SLC25A48: variants seen among roughly 807,000 people sequenced by gnomAD.
The protein encoded by SLC25A48 is solute carrier family 25 member 48, also known as CTC-321K16.1.
SLC25A48 carries 29 observed loss-of-function variants against 32.2 expected under a neutral mutation model. The observed-to-expected ratio is 0.90, with a 90% confidence interval of 0.67 to 1.23. The LOEUF is 1.23. Ranked by LOEUF, SLC25A48 falls within the 50% of genes most tolerant of loss-of-function variation. The probability of loss-of-function intolerance (pLI) is 0.00; values close to 1 mark genes in which losing one functional copy is unlikely to be tolerated. For missense variants in SLC25A48, 399 were observed against 422.7 expected, an observed-to-expected ratio of 0.94 and a Z score of 0.49; for synonymous variants, 164 against 172.3, an observed-to-expected ratio of 0.95 and a Z score of 0.38.
chr5:135,630,791 G>C (rs576866610), intron 2 of SLC25A48, among the ~76,000 whole-genome samples: 1 of 151,842 alleles, frequency 6.6e-6, no homozygotes, highest in African/African-American at 2.4e-5. Flanking sequence ...TAGCAGAGAT[G>C]GGGTTTCACC....
intron 3 of SLC25A48, among the ~76,000 whole-genome samples, chr5:135,714,335 C>T (rs71587586): frequency 6.6e-6 from 1 of 152,322 alleles, no homozygotes; most frequent in Non-Finnish European, 1.5e-5. Context: ...ACAAATTCCT[C>T]CAGCCCCAGC....
chr5:135,737,072 G>A (rs1362208490), intron 3 of SLC25A48, among the ~76,000 whole-genome samples: 4 of 152,200 alleles, frequency 2.6e-5, no homozygotes, highest in East Asian at 1.9e-4. Context: ...CCCCTGATCC[G>A]AGTCACAGCA....
At chr5:135,669,109 C>T (rs147250481) in intron 3 of SLC25A48, among the ~76,000 whole-genome samples, 12 of 152,290 alleles carry the variant, frequency 7.9e-5, no homozygotes, top group Non-Finnish European at 1.8e-4. Flanking sequence ...TCTGTGATGT[C>T]AATGCACTTG....
chr5:135,850,833 G>A (rs1051223332), intron 3 of SLC25A48, among the ~76,000 whole-genome samples: 1 of 152,136 alleles, frequency 6.6e-6, no homozygotes, highest in African/African-American at 2.4e-5. Flanking sequence ...CTGGCAAACC[G>A]TGTGCTGATA....
At chr5:135,779,377 T>G (rs547729698) in intron 3 of SLC25A48, among the ~76,000 whole-genome samples, 1 of 151,650 alleles carries the variant, frequency 6.6e-6, no homozygotes, top group Non-Finnish European at 1.5e-5. Flanking sequence ...GGATACCCCC[T>G]GTGTGATATT....
chr5:135,718,612 T>C (rs943938657), intron 3 of SLC25A48, among the ~76,000 whole-genome samples: 3 of 152,224 alleles, frequency 2.0e-5, no homozygotes, highest in African/African-American at 7.2e-5. Flanking sequence ...ATGATTCTAA[T>C]TGTAAAAAGA....
intron 4 of SLC25A48, among the ~76,000 whole-genome samples, chr5:135,855,893 T>C (rs1241472985): frequency 1.3e-5 from 2 of 152,228 alleles, no homozygotes; most frequent in Non-Finnish European, 1.5e-5. Flanking sequence ...TTGCCTTTCC[T>C]GTTAGAGCTT....
chr5:135,850,084 A>G (rs150190831), intron 2 of SLC25A48, among the ~76,000 whole-genome samples: 25 of 152,138 alleles, frequency 1.6e-4, no homozygotes, highest in Admixed American at 6.5e-5. Context: ...GTGTCCCCCA[A>G]ATATATTTTG....
At chr5:135,633,422 T>C (rs920201838) in intron 2 of SLC25A48, among the ~76,000 whole-genome samples, 1 of 151,812 alleles carries the variant, frequency 6.6e-6, no homozygotes, top group Non-Finnish European at 1.5e-5. Context: ...ATAGGGTTGG[T>C]GGCCTTATAA....
At chr5:135,830,073 C>T (rs1260612258), upstream of SLC25A48, among the ~76,000 whole-genome samples, 1 of 152,300 alleles carries the variant, frequency 6.6e-6, no homozygotes, top group African/African-American at 2.4e-5. Flanking sequence ...TAGATGGGTT[C>T]TCATCAAGCT....
chr5:135,599,709 T>C (rs1416048279), intron 1 of SLC25A48, among the ~76,000 whole-genome samples: 2 of 152,214 alleles, frequency 1.3e-5, no homozygotes, highest in African/African-American at 4.8e-5. Flanking sequence ...CCTTCCTCCC[T>C]TCCTTATTTC....
At chr5:135,842,588 C>A in intron 2 of SLC25A48, 129 bp downstream of exon 2, 2 of 948,230 alleles carry the variant, frequency 2.1e-6, no homozygotes, top group East Asian at 4.9e-5. Flanking sequence ...GTTGCCAGTC[C>A]AGGGGGTGTT....
At chr5:135,747,897 T>C (rs901396151) in intron 3 of SLC25A48, among the ~76,000 whole-genome samples, 7 of 152,222 alleles carry the variant, frequency 4.6e-5, no homozygotes, top group African/African-American at 1.7e-4. Context: ...GTAGTTAAAC[T>C]ACTTTCCTAA....
rs1017138021 is a variant in SLC25A48, at chr5:135,629,850, CCTAGGGCAGAAA to C, written c.-709+478_-709+489del. On this transcript the variant is annotated intron_variant, in intron 2 of 10. Coordinates refer to the SLC25A48 transcript ENST00000646290. This position sits in a 1 kb window ranked among gnomAD's most constrained non-coding sequence, Gnocchi z 4.8. ...AGTGGGCCCATTGGCCAGAGAAAACCCTAGGGCAGAAACTATCAAGAACTTGCCGAAAGTAGT... is the reference window on the plus strand; with the variant it reads ...AGTGGGCCCATTGGCCAGAGAAAACCCTATCAAGAACTTGCCGAAAGTAGT... Among the ~76,000 whole-genome samples the C allele has an allele frequency of 4.6e-5, 7 of 152,142 alleles. No individual in the cohort carries two copies. The highest frequency in any genetic ancestry group is 1.7e-4 in the African/African-American group (7 of 41,430).
intron 3 of SLC25A48, among the ~76,000 whole-genome samples, chr5:135,678,599 A>G (rs1753823287): frequency 6.6e-6 from 1 of 151,898 alleles, no homozygotes; most frequent in African/African-American, 2.4e-5. Flanking sequence ...CCTTTTTTTC[A>G]TGTTGCCTGT....
At chr5:135,826,550 A>C (rs1486859650) in intron 4 of SLC25A48, 1 of 152,220 alleles carries the variant, frequency 6.6e-6, no homozygotes, top group Non-Finnish European at 1.5e-5. Flanking sequence ...TTGTAAATAA[A>C]TCGTGCACCT....
At chr5:135,597,086 A>G (rs1751672583) in intron 1 of SLC25A48, among the ~76,000 whole-genome samples, 1 of 152,220 alleles carries the variant, frequency 6.6e-6, no homozygotes, top group African/African-American at 2.4e-5. Flanking sequence ...TTAACCCCAG[A>G]CAGAGAGTCA....
chr5:135,885,462 A>G (rs1407511070), intron 7 of SLC25A48, among the ~76,000 whole-genome samples: 2 of 152,096 alleles, frequency 1.3e-5, no homozygotes, highest in Non-Finnish European at 2.9e-5. Context: ...GACCCAGCTC[A>G]GATGCTTTAA....
At chr5:135,768,929 GTAGATACCACTTTGATATTGTTCGTAA>G (rs1332062415) in intron 3 of SLC25A48, among the ~76,000 whole-genome samples, 1 of 151,856 alleles carries the variant, frequency 6.6e-6, no homozygotes, top group Admixed American at 6.6e-5. Context: ...CGCAGGGGTT[GTAGATACCACTTTGATATTGTTCGTAA>G]TATTCATAGG....
Sources: gnomAD v4.1 joint callset for allele counts (sites outside exome capture counted in the v4.1 genomes callset) on GRCh38, gnomAD v4.1.1 for gene constraint, Gnocchi (gnomAD v3.1) non-coding constraint, MANE v1.5 for transcripts, NCBI Gene and HGNC (gene_info 2026-07-23, HGNC 2026-07-21) for gene names.